Variants in SIPA1L1 observed in about 807,000 individuals in gnomAD.
The protein encoded by SIPA1L1 is signal-induced proliferation-associated 1-like protein 1.
A neutral mutation model predicts 162.7 loss-of-function variants in SIPA1L1; 26 were observed. That is an observed-to-expected ratio of 0.16 (90% CI 0.12 to 0.22). SIPA1L1 has a LOEUF of 0.22. Ranked by LOEUF, SIPA1L1 falls within the 10% of genes least tolerant of loss-of-function variation. The pLI, the probability that SIPA1L1 is intolerant of heterozygous loss-of-function variation, is 1.00. For synonymous variants in SIPA1L1, 829 were observed against 837.4 expected, an observed-to-expected ratio of 0.99 and a Z score of 0.17; for missense variants, 1,874 against 2,241.0, an observed-to-expected ratio of 0.84 and a Z score of 3.31.
At chr14:71,658,745 G>T (rs1596711603) in intron 9 of SIPA1L1, among the ~76,000 whole-genome samples, 1 of 152,186 alleles carries the variant, frequency 6.6e-6, no homozygotes, top group African/African-American at 2.4e-5. Context: ...GACTCTGCAG[G>T]GTTGCAAAGA....
chr14:71,477,848 T>A (rs2048007893), intron 2 of SIPA1L1, among the ~76,000 whole-genome samples: 1 of 152,168 alleles, frequency 6.6e-6, no homozygotes, highest in Non-Finnish European at 1.5e-5. Context: ...GAACATAGGC[T>A]TTCCTTTCCC....
At position 71,671,118 on chromosome 14, in the gene SIPA1L1, G is replaced by A; in HGVS notation, c.2256-1G>A. The stretch of plus-strand genomic sequence containing the variant: ...GGCTCTCTTTGATCTTTGTCTCTCA[G>A]TGTGGCTGTTACCAGGTCCAGAGAT... On this transcript the variant is annotated splice_acceptor_variant, in intron 10 of 23. Transcript: ENST00000381232. LOFTEE classifies it high-confidence loss of function. The A allele has an allele frequency of 6.3e-7, 1 of 1,591,990 alleles. No homozygotes were observed. The highest frequency in any genetic ancestry group is 8.6e-7 in the Non-Finnish European group (1 of 1,167,578).
At chr14:71,545,990 G>T (rs2055149485) in intron 4 of SIPA1L1, among the ~76,000 whole-genome samples, 3 of 152,048 alleles carry the variant, frequency 2.0e-5, no homozygotes, top group Admixed American at 2.0e-4. Context: ...GTTCCAGGCT[G>T]TCGCAAAAGG....
chr14:71,342,352 A>G (rs377706840), intron 2 of SIPA1L1, among the ~76,000 whole-genome samples: 1 of 152,116 alleles, frequency 6.6e-6, no homozygotes, highest in African/African-American at 2.4e-5. Context: ...TAGTAGTGGG[A>G]TTGCTGGGTT....
At chr14:71,514,801 C>T (rs148191507) in intron 3 of SIPA1L1, among the ~76,000 whole-genome samples, 72 of 152,316 alleles carry the variant, frequency 4.7e-4, no homozygotes, top group African/African-American at 1.5e-3. Flanking sequence ...TAACTGTCCA[C>T]GTTAACATAT....
chr14:71,564,129 T>C (rs1186849876), intron 4 of SIPA1L1, among the ~76,000 whole-genome samples: 1 of 152,024 alleles, frequency 6.6e-6, no homozygotes, highest in Non-Finnish European at 1.5e-5. Context: ...AAATTTGTTT[T>C]TTTGAGATGG....
At chr14:71,506,998 G>T (rs536046335) in intron 2 of SIPA1L1, among the ~76,000 whole-genome samples, 1 of 152,012 alleles carries the variant, frequency 6.6e-6, no homozygotes, top group African/African-American at 2.4e-5. Flanking sequence ...CATAGCAGAG[G>T]TACCTATTTT....
At position 71,595,622 on chromosome 14, in the gene SIPA1L1, G is replaced by A. The variant is rs554171848; in HGVS notation, c.1498+6252G>A. Among the ~76,000 whole-genome samples the A allele has an allele frequency of 2.9e-4, 44 of 152,066 alleles. 1 individual carries two copies. Among genetic ancestry groups the A allele is most frequent in the Non-Finnish European group, 4.7e-4 (32 of 67,994 alleles). Reference sequence around the variant, plus strand: ...GCCTACATTTATATCCAAATAAAACGCCTTTGTCCCCAGGCTTTCTCCTTA... The same window carrying A: ...GCCTACATTTATATCCAAATAAAACACCTTTGTCCCCAGGCTTTCTCCTTA... On this transcript the variant is annotated intron_variant, in intron 5 of 23. Transcript: ENST00000381232.
chr14:71,685,058 T>C (rs935202606), intron 12 of SIPA1L1, among the ~76,000 whole-genome samples: 1 of 152,204 alleles, frequency 6.6e-6, no homozygotes, highest in African/African-American at 2.4e-5. Context: ...TGGTGGCCTT[T>C]CCTCCTCAGG....
intron 2 of SIPA1L1, among the ~76,000 whole-genome samples, chr14:71,476,728 A>G (rs1301573788): frequency 6.6e-6 from 1 of 151,074 alleles, no homozygotes; most frequent in African/African-American, 2.4e-5. Flanking sequence ...CCCAGGCTGG[A>G]GTGCAGTGGT....
In SIPA1L1 at chr14:71,661,465, T is replaced by C. The variant is rs1272193643; in HGVS notation, c.2253T>C (p.Tyr751=). ...VHNPCSDSVC[Y]SVAVTRSRDV... ...ATCCGTGCTCTGACAGTGTCTGTTATAGGTGTGTATGGGTGTCACAGCAGG... is the reference window on the plus strand; with the variant it reads ...ATCCGTGCTCTGACAGTGTCTGTTACAGGTGTGTATGGGTGTCACAGCAGG... Residue 751 remains tyrosine, a splice_region_variant and synonymous_variant, in exon 10 of 24, where the codon TAT becomes TAC. Coordinates refer to ENST00000381232, the MANE Select transcript of SIPA1L1 (RefSeq NM_001386936.1). 2.5e-6 allele frequency: 4 copies of C among 1,613,676 alleles called. No individual in the cohort carries two copies. Among genetic ancestry groups the C allele is most frequent in the Middle Eastern group, 1.7e-4 (1 of 6,058 alleles).
chr14:71,402,734 T>A (rs1016116798), intron 2 of SIPA1L1, among the ~76,000 whole-genome samples: 2 of 152,176 alleles, frequency 1.3e-5, no homozygotes, highest in African/African-American at 4.8e-5. Flanking sequence ...TTGTATTGGT[T>A]ATGTGATGTA....
At chr14:71,430,770 T>G (rs2043928457) in intron 2 of SIPA1L1, among the ~76,000 whole-genome samples, 1 of 152,220 alleles carries the variant, frequency 6.6e-6, no homozygotes, top group Admixed American at 6.5e-5. Flanking sequence ...CAGGGCATTT[T>G]CCTTGCTTGC....
intron 5 of SIPA1L1, among the ~76,000 whole-genome samples, chr14:71,613,729 A>G (rs1000938033): frequency 2.6e-4 from 39 of 152,208 alleles, no homozygotes; most frequent in Admixed American, 1.3e-4. Context: ...ACAGTTGTGG[A>G]TTTGACTAGA....
At chr14:71,615,962 C>T (rs1321097378) in intron 5 of SIPA1L1, among the ~76,000 whole-genome samples, 2 of 152,214 alleles carry the variant, frequency 1.3e-5, no homozygotes, top group African/African-American at 4.8e-5. Flanking sequence ...CACCACTGCA[C>T]TCCAGTGTAG....
chr14:71,554,572 A>G (rs1251228722), intron 4 of SIPA1L1, among the ~76,000 whole-genome samples: 1 of 152,172 alleles, frequency 6.6e-6, no homozygotes. Context: ...GACCTTCTGT[A>G]TAAAGAGAGC....
chr14:71,391,351 C>T (rs563202894), intron 2 of SIPA1L1, among the ~76,000 whole-genome samples: 7 of 152,212 alleles, frequency 4.6e-5, no homozygotes, highest in South Asian at 4.1e-4. Flanking sequence ...GTGATCCGCC[C>T]GCCTTGGCCT....
At chr14:71,414,306 G>A (rs2042606971) in intron 2 of SIPA1L1, among the ~76,000 whole-genome samples, 1 of 152,186 alleles carries the variant, frequency 6.6e-6, no homozygotes, top group Non-Finnish European at 1.5e-5. Flanking sequence ...TAGAACCCAG[G>A]AGGTGGAGGT....
chr14:71,459,528 C>T (rs1296901698), intron 2 of SIPA1L1, among the ~76,000 whole-genome samples: 43 of 152,052 alleles, frequency 2.8e-4, no homozygotes, highest in Admixed American at 2.8e-3. Context: ...CCACAATAGT[C>T]TGTCTGCAAG....
Sources: gnomAD v4.1 joint callset for allele counts (sites outside exome capture counted in the v4.1 genomes callset) on GRCh38, gnomAD v4.1.1 for gene constraint, MANE v1.5 for transcripts, NCBI Gene and HGNC (gene_info 2026-07-23, HGNC 2026-07-21) for gene names.